PTPRT: variants seen among roughly 807,000 people sequenced by gnomAD.
PTPRT encodes receptor-type tyrosine-protein phosphatase T.
In PTPRT, 56 loss-of-function variants were observed where a neutral mutation model predicts 176.8. The observed-to-expected ratio is 0.32, with a 90% CI of 0.26 to 0.40. PTPRT has a LOEUF of 0.40. PTPRT is among the 10% of genes least tolerant of loss of function. The pLI is 1.00. For missense variants in PTPRT, 1,540 were observed against 1,908.2 expected (o/e 0.81, Z 3.60); for synonymous variants, 783 against 739.0 (o/e 1.06, Z -0.96).
intron 7 of PTPRT, among the ~76,000 whole-genome samples, chr20:42,512,592 T>G (rs988751798): frequency 6.6e-6 from 1 of 152,186 alleles, no homozygotes; most frequent in Non-Finnish European, 1.5e-5. Context: ...ATTTGCGTAT[T>G]TATTTTGGTG....
At chr20:43,118,159 T>C (rs564078169) in intron 1 of PTPRT, among the ~76,000 whole-genome samples, 1 of 152,284 alleles carries the variant, frequency 6.6e-6, no homozygotes, top group African/African-American at 2.4e-5. Flanking sequence ...TGTAAACAAA[T>C]GAGCAAGGCT....
At chr20:43,129,328 A>G (rs2013562804) in intron 1 of PTPRT, among the ~76,000 whole-genome samples, 1 of 152,222 alleles carries the variant, frequency 6.6e-6, no homozygotes, top group African/African-American at 2.4e-5. Context: ...GCACCAAGCC[A>G]CGAGGACAAG....
At chr20:42,797,061 C>G (rs981994918) in intron 2 of PTPRT, among the ~76,000 whole-genome samples, 1 of 152,278 alleles carries the variant, frequency 6.6e-6, no homozygotes, top group Non-Finnish European at 1.5e-5. Context: ...TCCCATACCC[C>G]TAAAGTTTTG....
intron 27 of PTPRT, among the ~76,000 whole-genome samples, chr20:42,096,249 G>C (rs1985215841): frequency 6.6e-6 from 1 of 152,104 alleles, no homozygotes; most frequent in Non-Finnish European, 1.5e-5. Context: ...CTGATCCCCA[G>C]ACCTGGCTTT....
intron 12 of PTPRT, among the ~76,000 whole-genome samples, chr20:42,306,301 G>A (rs2057543858): frequency 6.6e-6 from 1 of 152,200 alleles, no homozygotes. Context: ...GGGGTTTAGA[G>A]TTTTAAGGCT....
rs544373278 is a variant in PTPRT, at chr20:42,745,726, G to A, written c.859+10736C>T. ...CAGAAAAAATATTCCATATATATCTGTCACGGAATAATACATTATGGAAAA... is the reference window on the plus strand; with the variant it reads ...CAGAAAAAATATTCCATATATATCTATCACGGAATAATACATTATGGAAAA... On this transcript the variant is annotated intron_variant, in intron 6 of 30. Coordinates refer to ENST00000373187, the MANE Select transcript of PTPRT (RefSeq NM_007050.6). Among the ~76,000 whole-genome samples the A allele has an allele frequency of 7.2e-5, 11 of 152,286 alleles. No individual in the cohort carries two copies. In the East Asian group the frequency reaches 1.9e-3, roughly 27 times the overall value.
intron 1 of PTPRT, 53 bp from the exon 2 acceptor site, chr20:42,885,985 C>T (rs1292045054): frequency 1.6e-5 from 24 of 1,485,356 alleles, no homozygotes; most frequent in East Asian, 1.0e-4. Flanking sequence ...AGGCTTGGTT[C>T]GTTACCTCTG....
At chr20:42,478,610 C>T (rs1225570995) in intron 7 of PTPRT, among the ~76,000 whole-genome samples, 1 of 152,076 alleles carries the variant, frequency 6.6e-6, no homozygotes, top group Non-Finnish European at 1.5e-5. Flanking sequence ...CCAGCTATTT[C>T]CTCTGCTTGG....
intron 9 of PTPRT, among the ~76,000 whole-genome samples, chr20:42,398,163 A>G (rs929466358): frequency 6.6e-6 from 1 of 152,222 alleles, no homozygotes; most frequent in African/African-American, 2.4e-5. Context: ...ATTGTAAAAA[A>G]AAATACATAC....
intron 8 of PTPRT, among the ~76,000 whole-genome samples, chr20:42,453,997 C>T (rs2070878374): frequency 6.6e-6 from 1 of 152,012 alleles, no homozygotes; most frequent in Non-Finnish European, 1.5e-5. Flanking sequence ...CTGCGCTCAG[C>T]CTGAATTTAC....
At chr20:42,844,752 C>G (rs1421212224) in intron 2 of PTPRT, among the ~76,000 whole-genome samples, 1 of 152,168 alleles carries the variant, frequency 6.6e-6, no homozygotes, top group African/African-American at 2.4e-5. Context: ...ATCAGCTTCA[C>G]ACTGCTCTGG....
chr20:42,432,314 A>G (rs1389664189), intron 9 of PTPRT, among the ~76,000 whole-genome samples: 2 of 152,200 alleles, frequency 1.3e-5, no homozygotes, highest in African/African-American at 4.8e-5. Flanking sequence ...CTCCACACAC[A>G]GGCTAGGGTC....
intron 1 of PTPRT, among the ~76,000 whole-genome samples, chr20:43,161,989 C>T (rs952938527): frequency 6.6e-5 from 10 of 152,208 alleles, no homozygotes; most frequent in Non-Finnish European, 8.8e-5. Flanking sequence ...TTTACACAGA[C>T]TCGATAGATT....
chr20:42,549,910 A>C (rs2072738280), intron 7 of PTPRT, among the ~76,000 whole-genome samples: 1 of 152,176 alleles, frequency 6.6e-6, no homozygotes. Context: ...CTCAAAAATT[A>C]ATGGAATAAA....
intron 1 of PTPRT, among the ~76,000 whole-genome samples, chr20:43,096,690 C>T (rs1286215892): frequency 6.6e-6 from 1 of 152,220 alleles, no homozygotes; most frequent in Non-Finnish European, 1.5e-5. Flanking sequence ...GAAGGCCAGA[C>T]AATCCCTCAC....
intron 7 of PTPRT, among the ~76,000 whole-genome samples, chr20:42,647,856 C>T (rs534867823): frequency 1.3e-5 from 2 of 152,148 alleles, no homozygotes; most frequent in Non-Finnish European, 2.9e-5. Flanking sequence ...CTTCTTTTAT[C>T]ATAAGATGCT....
rs536272178 is a variant in PTPRT, at chr20:42,713,305, CA to C, written c.860-35147del. On this transcript the variant is annotated intron_variant, in intron 6 of 30. Coordinates refer to ENST00000373187, the MANE Select transcript of PTPRT (RefSeq NM_007050.6). Reference sequence around the variant, plus strand: ...TTTGAACCACATAAATATATTACCACAAAAAAATGAGTAACATTGCAATATT... The same window carrying C: ...TTTGAACCACATAAATATATTACCACAAAAAATGAGTAACATTGCAATATT... Among the ~76,000 whole-genome samples the C allele has an allele frequency of 3.2e-4, 48 of 151,966 alleles. 1 individual carries two copies. Among genetic ancestry groups the C allele is most frequent in the African/African-American group, 1.1e-3 (47 of 41,462 alleles).
chr20:42,055,450 T>C, the PTPRT span, among the ~76,000 whole-genome samples: 27 of 152,156 alleles, frequency 1.8e-4, no homozygotes, highest in African/African-American at 6.0e-4. Context: ...GAGGCAAGAA[T>C]GGAGAGAGGG....
intron 1 of PTPRT, among the ~76,000 whole-genome samples, chr20:43,069,640 G>A (rs1488851882): frequency 2.0e-5 from 3 of 152,158 alleles, no homozygotes; most frequent in Non-Finnish European, 4.4e-5. Context: ...GGAGGGGGGC[G>A]TTGCTTGACA....
Sources: gnomAD v4.1 joint callset for allele counts (sites outside exome capture counted in the v4.1 genomes callset) on GRCh38, gnomAD v4.1.1 for gene constraint, MANE v1.5 for transcripts, NCBI Gene and HGNC (gene_info 2026-07-23, HGNC 2026-07-21) for gene names.